ACBD5: variants seen among roughly 807,000 people sequenced by gnomAD.
ACBD5 encodes acyl-CoA-binding domain-containing protein 5.
ACBD5 carries 40 observed loss-of-function variants against 71.8 expected under a neutral mutation model. The ratio of observed to expected loss-of-function variants is 0.56; its 90% confidence interval spans 0.43 to 0.72. The LOEUF is 0.72. Among genes scored for constraint, ACBD5 ranks in the 30% least tolerant of loss-of-function variants. ACBD5 has a pLI of 0.00. For synonymous variants in ACBD5, 229 were observed against 218.6 expected, an observed-to-expected ratio of 1.05 and a Z score of -0.42; for missense variants, 559 against 644.5, an observed-to-expected ratio of 0.87 and a Z score of 1.44.
intron 4 of ACBD5, among the ~76,000 whole-genome samples, chr10:27,224,136 G>A (rs1430871494): frequency 2.0e-5 from 3 of 150,640 alleles, no homozygotes; most frequent in African/African-American, 7.3e-5. Context: ...GCCAAAGCAG[G>A]AGGAGGATGG....
intron 12 of ACBD5, among the ~76,000 whole-genome samples, chr10:27,200,105 C>T (rs1184788695): frequency 6.6e-6 from 1 of 152,140 alleles, no homozygotes; most frequent in African/African-American, 2.4e-5. Context: ...GAGGCAGAGA[C>T]CTACTGGGCT....
intron 9 of ACBD5, 122 bp from the exon 10 acceptor site, chr10:27,208,567 G>T: frequency 8.4e-7 from 1 of 1,190,402 alleles, no homozygotes; most frequent in Non-Finnish European, 1.2e-6. Context: ...GCCAGGAGCT[G>T]TGGCTCACAC....
chr10:27,198,515 A>T (rs1175217604), intron 12 of ACBD5, among the ~76,000 whole-genome samples: 2 of 152,228 alleles, frequency 1.3e-5, no homozygotes, highest in Non-Finnish European at 2.9e-5. Flanking sequence ...AAACAATCAG[A>T]TCATTCCTTA....
At chr10:27,197,584 C>T (rs538315321) in intron 12 of ACBD5, 142 bp from the exon 13 acceptor site, 1 of 666,154 alleles carries the variant, frequency 1.5e-6, no homozygotes, top group Non-Finnish European at 2.6e-6. Flanking sequence ...CATCATATGA[C>T]TTGCAGCCTG....
chr10:27,238,312 T>C (rs957839017), intron 2 of ACBD5, among the ~76,000 whole-genome samples: 1 of 152,210 alleles, frequency 6.6e-6, no homozygotes, highest in Non-Finnish European at 1.5e-5. Context: ...CTTTCTTAAA[T>C]GTTATGTACA....
intron 12 of ACBD5, 79 bp from the exon 13 acceptor site, chr10:27,197,521 A>G: frequency 9.1e-7 from 1 of 1,100,178 alleles, no homozygotes; most frequent in Non-Finnish European, 1.3e-6. Flanking sequence ...AATAATAATA[A>G]CATACAAATT....
upstream of ACBD5, among the ~76,000 whole-genome samples, chr10:27,241,588 C>G (rs1413844546): frequency 6.6e-6 from 1 of 152,134 alleles, no homozygotes; most frequent in East Asian, 1.9e-4. Flanking sequence ...ATGGGGACGG[C>G]CGGGCACAGT....
At chr10:27,226,973 C>T (rs1029939274) in intron 4 of ACBD5, among the ~76,000 whole-genome samples, 5 of 138,490 alleles carry the variant, frequency 3.6e-5, no homozygotes, top group South Asian at 2.3e-4. Context: ...GGCCCAAATT[C>T]GTAAACTTTC....
downstream of ACBD5, among the ~76,000 whole-genome samples, chr10:27,194,145 G>T (rs1345233555): frequency 6.6e-6 from 1 of 151,900 alleles, no homozygotes; most frequent in Non-Finnish European, 1.5e-5. Flanking sequence ...CAGCTACTCA[G>T]GAGGCTGAGG....
intron 9 of ACBD5, 42 bp downstream of exon 9, chr10:27,210,772 G>C (rs764765192): frequency 6.2e-7 from 1 of 1,613,452 alleles, no homozygotes; most frequent in South Asian, 1.1e-5. Context: ...AAATAAGTAA[G>C]TAAATCAATA....
chr10:27,204,996 G>A (rs554984460), intron 11 of ACBD5, among the ~76,000 whole-genome samples: 36 of 152,020 alleles, frequency 2.4e-4, no homozygotes, highest in Admixed American at 7.9e-4. Flanking sequence ...GTGTGGTGGC[G>A]GGCACCTGTA....
intron 10 of ACBD5, among the ~76,000 whole-genome samples, chr10:27,205,973 T>C (rs527773812): frequency 7.2e-5 from 11 of 152,260 alleles, no homozygotes; most frequent in African/African-American, 2.6e-4. Flanking sequence ...GCTGGTGAGA[T>C]CGTGGCTCAC....
At chr10:27,202,967 C>CCCT (rs2060077108) in intron 12 of ACBD5, among the ~76,000 whole-genome samples, 1 of 91,958 alleles carries the variant, frequency 1.1e-5, no homozygotes, top group Non-Finnish European at 2.0e-5. Context: ...GGTCTATATC[C>CCCT]TCTTTTTTTT....
intron 13 of ACBD5, among the ~76,000 whole-genome samples, chr10:27,184,056 C>T (rs2058487563): frequency 6.6e-6 from 1 of 152,058 alleles, no homozygotes; most frequent in African/African-American, 2.4e-5. Flanking sequence ...AGAGTGCCTT[C>T]TAGGAGCTAG....
At chr10:27,198,990 T>C (rs1588962958) in intron 12 of ACBD5, among the ~76,000 whole-genome samples, 1 of 151,926 alleles carries the variant, frequency 6.6e-6, no homozygotes. Flanking sequence ...GCACCTATAG[T>C]CCCAGCTACT....
chr10:27,203,693 C>G (rs965025904), intron 12 of ACBD5, among the ~76,000 whole-genome samples: 1 of 152,040 alleles, frequency 6.6e-6, no homozygotes, highest in African/African-American at 2.4e-5. Flanking sequence ...GAGCTGAGAT[C>G]GTGCCACTGC....
rs370688833 is a variant in ACBD5 at position 27,205,345 on chromosome 10, GT to G, written c.1405-98del. 7.3e-4 allele frequency: 890 copies of G among 1,211,058 alleles called. 5 individuals carry two copies. The African/African-American group carries it at 0.011, about 14-fold the overall frequency. The allele number at this position is 1,211,058 out of a possible 1,614,324, so 75.0% of individuals were successfully genotyped here. A position where few individuals can be genotyped will look rare whatever the true frequency, so the allele number is the denominator to read the frequency against. ...TTTTTTAAAAGGCAGAAATATTGAG[GT>G]TTTTTTTGGTTGCTTTTGTTTTCTT... On this transcript the variant is annotated intron_variant, in intron 10 of 12. Coordinates refer to ENST00000396271, the MANE Select transcript of ACBD5 (RefSeq NM_145698.5).
chr10:27,235,071 T>A lies in ACBD5; in HGVS notation c.302+21A>T, dbSNP rs183008134. ...TGTCATTAAAATTTAAATTCTTGCA[T>A]AGCTCTACACAAAAAATTACCATTT... is the stretch of plus-strand genomic sequence containing the variant. On this transcript the variant is annotated intron_variant, in intron 3 of 12. Coordinates refer to ENST00000396271, the MANE Select transcript of ACBD5 (RefSeq NM_145698.5). 2.5e-6 allele frequency: 4 copies of A among 1,611,728 alleles called. No homozygotes were observed. The East Asian group carries it at 8.9e-5, about 36-fold the overall frequency.
intron 8 of ACBD5, among the ~76,000 whole-genome samples, chr10:27,212,579 CTTTTT>C (rs398045942): frequency 7.5e-6 from 1 of 132,700 alleles, no homozygotes; most frequent in African/African-American, 2.8e-5. Context: ...ATTTATGCTG[CTTTTT>C]TTTTTTTTTT....
Sources: allele counts gnomAD v4.1 joint callset (sites outside exome capture counted in the v4.1 genomes callset), GRCh38; gene constraint gnomAD v4.1.1; transcripts MANE v1.5; gene names NCBI Gene and HGNC (gene_info 2026-07-23, HGNC 2026-07-21).